The following GRIK2 variants were observed in gnomAD, a reference collection of about 807,000 sequenced individuals.
GRIK2 encodes the protein glutamate ionotropic receptor kainate type subunit 2.
In GRIK2, 32 loss-of-function variants were observed where a neutral mutation model predicts 100.3. The observed-to-expected ratio is 0.32, with a 90% CI of 0.24 to 0.43. The LOEUF (loss-of-function observed/expected upper bound fraction) is 0.43, where lower values mean the gene tolerates loss of function less well. Ranked by LOEUF, GRIK2 falls within the 20% of genes least tolerant of loss-of-function variation. The probability of loss-of-function intolerance (pLI) is 1.00; values close to 1 mark genes in which losing one functional copy is unlikely to be tolerated. For missense variants in GRIK2, 843 were observed against 1,114.9 expected (o/e 0.76, Z 3.47); for synonymous variants, 417 against 389.4 (o/e 1.07, Z -0.83).
At chr6:101,818,237 T>C in intron 9 of GRIK2, 133 bp from the exon 10 acceptor site, 1 of 591,904 alleles carries the variant, frequency 1.7e-6, no homozygotes, top group East Asian at 2.9e-5. Context: ...TTAAACAAGC[T>C]GCCTTTACTT....
chr6:101,423,620 C>A (rs1262484405), intron 2 of GRIK2, among the ~76,000 whole-genome samples: 1 of 152,104 alleles, frequency 6.6e-6, no homozygotes, highest in Admixed American at 6.5e-5. Context: ...CTATTCATGT[C>A]TTTGCCAACT....
chr6:101,412,092 C>A (rs563349628), intron 2 of GRIK2, among the ~76,000 whole-genome samples: 3 of 152,078 alleles, frequency 2.0e-5, no homozygotes, highest in African/African-American at 4.8e-5. Flanking sequence ...ACATGGAAAT[C>A]TCTTGGACAA....
intron 10 of GRIK2, among the ~76,000 whole-genome samples, chr6:101,821,701 A>G (rs1180134895): frequency 2.6e-5 from 4 of 152,160 alleles, no homozygotes; most frequent in Non-Finnish European, 5.9e-5. Flanking sequence ...ACATATCCAT[A>G]GTCAAGTAAA....
chr6:101,729,057 T>C (rs1775073835), intron 7 of GRIK2, among the ~76,000 whole-genome samples: 1 of 152,052 alleles, frequency 6.6e-6, no homozygotes, highest in Non-Finnish European at 1.5e-5. Context: ...ACTAAAGATG[T>C]ATATGTTATA....
chr6:101,416,207 T>A (rs1776132003), intron 2 of GRIK2, among the ~76,000 whole-genome samples: 1 of 152,200 alleles, frequency 6.6e-6, no homozygotes, highest in Non-Finnish European at 1.5e-5. Flanking sequence ...AGCCTTGTGA[T>A]CTGTGGAGAC....
intron 12 of GRIK2, among the ~76,000 whole-genome samples, chr6:101,895,178 A>G (rs1339953495): frequency 2.0e-5 from 3 of 151,834 alleles, no homozygotes; most frequent in Non-Finnish European, 4.4e-5. Context: ...CTTCTTAGCT[A>G]GAAGAGTAAA....
chr6:101,580,733 C>T (rs944777837), intron 2 of GRIK2, among the ~76,000 whole-genome samples: 2 of 152,060 alleles, frequency 1.3e-5, no homozygotes, highest in African/African-American at 2.4e-5. Context: ...CCTCTGTGAC[C>T]TCCTTGCCCT....
intron 2 of GRIK2, among the ~76,000 whole-genome samples, chr6:101,429,674 GT>G (rs979337286): frequency 2.0e-5 from 3 of 151,858 alleles, no homozygotes; most frequent in South Asian, 4.2e-4. Context: ...AATGGAGAGG[GT>G]TTTTTTCTTT....
intron 4 of GRIK2, among the ~76,000 whole-genome samples, chr6:101,669,596 G>T (rs938001732): frequency 1.3e-5 from 2 of 152,010 alleles, no homozygotes; most frequent in Non-Finnish European, 2.9e-5. Flanking sequence ...AGACATGGCT[G>T]GTGAAAAGAT....
At chr6:101,607,397 T>A (rs1441571878) in intron 2 of GRIK2, among the ~76,000 whole-genome samples, 1 of 152,128 alleles carries the variant, frequency 6.6e-6, no homozygotes, top group East Asian at 1.9e-4. Flanking sequence ...AAATGGTGAA[T>A]GAGAGTAGAT....
chr6:101,411,931 A>G (rs1582390535), intron 2 of GRIK2, among the ~76,000 whole-genome samples: 1 of 152,068 alleles, frequency 6.6e-6, no homozygotes, highest in African/African-American at 2.4e-5. Flanking sequence ...GATTATTTTA[A>G]AACTTTGTTT....
At chr6:101,515,568 G>A (rs1236163897) in intron 2 of GRIK2, among the ~76,000 whole-genome samples, 3 of 151,986 alleles carry the variant, frequency 2.0e-5, no homozygotes, top group Admixed American at 1.3e-4. Context: ...CCACATCCAC[G>A]CCAACATGTA....
intron 14 of GRIK2, among the ~76,000 whole-genome samples, chr6:101,963,511 T>C (rs1361227574): frequency 2.9e-5 from 4 of 135,846 alleles, no homozygotes; most frequent in Admixed American, 7.3e-5. Flanking sequence ...CTTTCTTTCT[T>C]TTTTTTTTTT....
At chr6:101,620,881 T>C (rs1453047385) in intron 2 of GRIK2, among the ~76,000 whole-genome samples, 1 of 152,010 alleles carries the variant, frequency 6.6e-6, no homozygotes, top group South Asian at 2.1e-4. Flanking sequence ...AGAGCAATGA[T>C]ATTAGAGAGA....
chr6:101,538,983 T>C (rs1450748152), intron 2 of GRIK2, among the ~76,000 whole-genome samples: 1 of 151,428 alleles, frequency 6.6e-6, no homozygotes, highest in East Asian at 1.9e-4. Context: ...GTGTCAGATA[T>C]AGTACCACAC....
At chr6:101,846,069 C>A (rs565995353) in intron 10 of GRIK2, among the ~76,000 whole-genome samples, 1 of 151,726 alleles carries the variant, frequency 6.6e-6, no homozygotes, top group South Asian at 2.1e-4. Context: ...AGAATATTAT[C>A]AGTTATATGA....
At chr6:101,830,335 C>T (rs886900728) in intron 10 of GRIK2, among the ~76,000 whole-genome samples, 6 of 151,766 alleles carry the variant, frequency 4.0e-5, no homozygotes, top group African/African-American at 1.5e-4. Flanking sequence ...GGAAGAAAAC[C>T]AAGGAAATAT....
At chr6:101,631,686 C>T (rs923850671) in intron 4 of GRIK2, among the ~76,000 whole-genome samples, 6 of 152,044 alleles carry the variant, frequency 3.9e-5, no homozygotes, top group Non-Finnish European at 4.4e-5. Context: ...CGACAACAAT[C>T]GGTTGTCAAT....
chr6:101,933,800 A>G (rs550557145), intron 14 of GRIK2, among the ~76,000 whole-genome samples: 1 of 152,102 alleles, frequency 6.6e-6, no homozygotes, highest in East Asian at 1.9e-4. Flanking sequence ...GGTTTATTCA[A>G]AACATAGAGC....
Sources: gnomAD v4.1 joint callset for allele counts (sites outside exome capture counted in the v4.1 genomes callset) on GRCh38, gnomAD v4.1.1 for gene constraint, MANE v1.5 for transcripts, NCBI Gene and HGNC (gene_info 2026-07-23, HGNC 2026-07-21) for gene names.